Variants in WDR43 observed in about 807,000 individuals in gnomAD.
The protein encoded by WDR43 is WD repeat domain 43.
A neutral mutation model predicts 91.4 loss-of-function variants in WDR43; 13 were observed. The observed-to-expected ratio is 0.14, with a 90% CI of 0.09 to 0.23. WDR43 has a LOEUF of 0.23. WDR43 is among the 10% of genes least tolerant of loss of function. The pLI, the probability that WDR43 is intolerant of heterozygous loss-of-function variation, is 1.00. For missense variants in WDR43, 780 were observed against 809.4 expected (o/e 0.96, Z 0.44); for synonymous variants, 331 against 287.9 (o/e 1.15, Z -1.51).
At chr2:28,941,195 A>G (rs1003149154) in intron 14 of WDR43, among the ~76,000 whole-genome samples, 8 of 152,228 alleles carry the variant, frequency 5.3e-5, no homozygotes, top group African/African-American at 1.9e-4. Flanking sequence ...ATCAATACAG[A>G]AAAGTGCCAC....
chr2:28,913,060 TCTC>T lies in WDR43; in HGVS notation c.606+353_606+355del, dbSNP rs1033410882. Among the ~76,000 whole-genome samples the T allele has an allele frequency of 2.7e-5, 4 of 150,420 alleles. No individual in the cohort carries two copies. In the Admixed American group the frequency reaches 2.7e-4, roughly 10 times the overall value. On this transcript the variant is annotated intron_variant, in intron 4 of 17. Coordinates refer to ENST00000407426, the MANE Select transcript of WDR43 (RefSeq NM_015131.3). Reference sequence around the variant, plus strand: ...CTCCGCCTCCCAGGTTCACCGCCATTCTCCTGCCTCAGCCTCCCGAGTAGCTGG... The same window carrying T: ...CTCCGCCTCCCAGGTTCACCGCCATTCTGCCTCAGCCTCCCGAGTAGCTGG...
chr2:28,894,932 A>G lies in WDR43; in HGVS notation c.225+9A>G. 6.4e-7 allele frequency: 1 copy of G among 1,564,938 alleles called. No individual in the cohort carries two copies. On this transcript the variant is annotated intron_variant, in intron 1 of 17. Transcript: ENST00000407426. ...CGCGGCTGCAGGCCAAGGTAAAGCG[A>G]GCGGGACTGCGCGGGGCGGGCGCCT...
chr2:28,906,333 A>G (rs935813478), intron 2 of WDR43, 127 bp from the exon 3 acceptor site: 49 of 879,928 alleles, frequency 5.6e-5, no homozygotes, highest in African/African-American at 4.3e-4. Context: ...TGAAATATCC[A>G]CGTGTGGGCC....
At chr2:28,933,515 G>GA (rs1439412525) in intron 11 of WDR43, among the ~76,000 whole-genome samples, 6 of 152,150 alleles carry the variant, frequency 3.9e-5, no homozygotes, top group Non-Finnish European at 1.5e-5. Context: ...AAATGTTAAA[G>GA]AAAAAATTGG....
chr2:28,914,311 A>G, intron 5 of WDR43, 103 bp downstream of exon 5: 1 of 1,338,148 alleles, frequency 7.5e-7, no homozygotes, highest in Non-Finnish European at 9.9e-7. Context: ...GTTGTATCTA[A>G]TGTTGGATTT....
intron 5 of WDR43, among the ~76,000 whole-genome samples, chr2:28,915,774 A>G (rs1404096919): frequency 6.7e-6 from 1 of 148,318 alleles, no homozygotes; most frequent in Admixed American, 6.9e-5. Context: ...ATCAAACCCC[A>G]GTACTATCTT....
At position 28,906,547 on chromosome 2, in the gene WDR43, G is replaced by A; in HGVS notation, c.451G>A (p.Val151Met). The A allele has an allele frequency of 6.2e-7, 1 of 1,610,524 alleles. No homozygotes were observed. Among genetic ancestry groups the A allele is most frequent in the South Asian group, 1.1e-5 (1 of 90,302 alleles). ...LYSCSDDKHI[V>M]EWNVQTCKVK... ...TAGTTGTTCAGATGATAAACATATT[G>A]TGGAATGGAACGTACAGACATGCAA... Residue 151 changes from valine to methionine, a missense_variant, in exon 3 of 18, where the codon GTG (valine) becomes ATG (methionine). Coordinates refer to ENST00000407426, the MANE Select transcript of WDR43 (RefSeq NM_015131.3).
At chr2:28,908,196 A>G (rs767738319) in intron 3 of WDR43, among the ~76,000 whole-genome samples, 2 of 152,178 alleles carry the variant, frequency 1.3e-5, no homozygotes, top group Non-Finnish European at 2.9e-5. Flanking sequence ...AATGCATGGT[A>G]GAGGATAGAA....
In WDR43 at chr2:28,894,761, C is replaced by G. The variant is rs758267936; in HGVS notation, c.63C>G (p.Phe21Leu). 8 of 1,602,210 alleles carry G rather than the reference C, an allele frequency of 5.0e-6. No individual in the cohort carries two copies. The South Asian group carries it at 9.0e-5, about 18-fold the overall frequency. Residue 21 changes from phenylalanine (F) to leucine (L), a missense_variant, in exon 1 of 18, where the codon TTC (phenylalanine) becomes TTG (leucine). Physicochemically the swap from Phe to Leu is conservative, Grantham distance 22 (BLOSUM62 0). Around this residue, in one of 4 missense-constraint regions of WDR43, gnomAD observed 175 missense variants for 113.8 expected, o/e 1.54. Transcript: ENST00000407426. ...CCCCTGCTGGGGTCCCTTGCGCCTT[C>G]TCCCCGCACAGCCAGGCCTACTTCG... ...PLAPAGVPCA[F>L]SPHSQAYFAL... is the part of the protein sequence containing the mutation.
At chr2:28,919,642 C>T (rs1050367840) in intron 6 of WDR43, among the ~76,000 whole-genome samples, 5 of 150,882 alleles carry the variant, frequency 3.3e-5, no homozygotes, top group South Asian at 2.1e-4. Flanking sequence ...GGTGACAGAG[C>T]GAGACTCCGT....
At chr2:28,927,310 G>C in intron 9 of WDR43, 1 of 468,730 alleles carries the variant, frequency 2.1e-6, no homozygotes, top group Non-Finnish European at 3.9e-6. Context: ...TATTTAATAA[G>C]TTCTGATAAC....
intron 11 of WDR43, among the ~76,000 whole-genome samples, 153 bp downstream of exon 11, chr2:28,929,863 G>A (rs1671209765): frequency 6.6e-6 from 1 of 152,000 alleles, no homozygotes; most frequent in Non-Finnish European, 1.5e-5. Context: ...TCACTTGGTG[G>A]CATTATACAG....
At chr2:28,907,060 T>G (rs957790192) in intron 3 of WDR43, among the ~76,000 whole-genome samples, 3 of 152,180 alleles carry the variant, frequency 2.0e-5, no homozygotes, top group Non-Finnish European at 4.4e-5. Context: ...GCAGATGATA[T>G]GGGTCAAAGG....
rs11352086 is a variant in WDR43 at position 28,931,874 on chromosome 2, C to CTT, written c.1437+2181_1437+2182dup. On this transcript the variant is annotated intron_variant, in intron 11 of 17. Transcript: ENST00000407426. ...AAATACACATGCCCTTCCCCCCGCC[C>CTT]TTTTTTTTTTTTTTTTTTAAATGAG... 4.7e-5 allele frequency among the ~76,000 whole-genome samples: 6 copies of CTT among 128,356 alleles called. No homozygotes were observed. In the East Asian group the frequency reaches 6.5e-4, roughly 14 times the overall value. The allele number at this position is 128,356 out of a possible 152,430, so 84.2% of individuals were successfully genotyped here. A position where few individuals can be genotyped will look rare whatever the true frequency, so the allele number is the denominator to read the frequency against.
chr2:28,947,973 A>T lies in WDR43; in HGVS notation c.*1194A>T, dbSNP rs983050409. 2.7e-5 allele frequency: 4 copies of T among 145,826 alleles called. No individual in the cohort carries two copies. Among genetic ancestry groups the T allele is most frequent in the African/African-American group, 1.0e-4 (4 of 39,280 alleles). 9.0% of individuals were successfully genotyped at this position (145,826 alleles called of 1,614,324 possible). ...CTCTAAGAAAGGGCTGGGCAGATGG[A>T]TTTATTTTTTCCCACCTGTGAATAT... On this transcript the variant is annotated 3_prime_UTR_variant, in exon 18 of 18. Transcript: ENST00000407426.
At chr2:28,945,914 A>G (rs976754414) in intron 16 of WDR43, among the ~76,000 whole-genome samples, 3 of 151,880 alleles carry the variant, frequency 2.0e-5, no homozygotes, top group Non-Finnish European at 4.4e-5. Context: ...TTCCTCATCC[A>G]CTGGGGCTAT....
intron 4 of WDR43, 37 bp downstream of exon 4, chr2:28,912,747 T>G: frequency 6.2e-7 from 1 of 1,607,254 alleles, no homozygotes; most frequent in Non-Finnish European, 8.5e-7. Flanking sequence ...ATAAAAATTA[T>G]AGAGTAAACA....
intron 5 of WDR43, 61 bp from the exon 6 acceptor site, chr2:28,917,832 G>T: frequency 6.8e-7 from 1 of 1,460,876 alleles, no homozygotes; most frequent in Non-Finnish European, 9.3e-7. Flanking sequence ...TTAGGTGTTT[G>T]CCTTTTTAGG....
chr2:28,895,363 A>C (rs1670457927), intron 1 of WDR43: 1 of 157,760 alleles, frequency 6.3e-6, no homozygotes, highest in Non-Finnish European at 1.4e-5. Context: ...GGTATGGACT[A>C]GTCTGTACTT....
Sources: gnomAD v4.1 joint callset for allele counts (sites outside exome capture counted in the v4.1 genomes callset) on GRCh38, gnomAD v4.1.1 for gene constraint, gnomAD v4.1.1 regional missense constraint, MANE v1.5 for transcripts, NCBI Gene and HGNC (gene_info 2026-07-23, HGNC 2026-07-21) for gene names.